POP1: variants seen among roughly 807,000 people sequenced by gnomAD.
POP1 encodes the protein POP1 ribonuclease P/MRP subunit.
Under a neutral mutation model 102.2 loss-of-function variants are expected in POP1, and 75 were observed. That is an observed-to-expected ratio of 0.73 (90% CI 0.61 to 0.89). The LOEUF (loss-of-function observed/expected upper bound fraction) is 0.89, where lower values mean the gene tolerates loss of function less well. Ranked by LOEUF, POP1 falls within the 40% of genes least tolerant of loss-of-function variation. The pLI, the probability that POP1 is intolerant of heterozygous loss-of-function variation, is 0.00. For missense variants in POP1, 1,116 were observed against 1,267.4 expected (o/e 0.88, Z 1.81); for synonymous variants, 436 against 464.1 (o/e 0.94, Z 0.78).
At position 98,157,669 on chromosome 8, in the gene POP1, G is replaced by T. The variant is rs767166808; in HGVS notation, c.2473G>T (p.Asp825Tyr). Residue 825 changes from aspartate (D) to tyrosine (Y), a missense_variant, in exon 16 of 16, where the codon GAT becomes TAT. Transcript: ENST00000401707. ...AGCCTGGTGTGGGCCCAGTTCTGAG[G>T]ATAGTCGGGGAGGCCGGCGAGCTCC... is the stretch of plus-strand genomic sequence containing the variant. ...LSAWCGPSSE[D>Y]SRGGRRAPGR... The T allele has an allele frequency of 2.5e-6, 4 of 1,614,086 alleles. No homozygotes were observed. Among genetic ancestry groups the T allele is most frequent in the Non-Finnish European group, 3.4e-6 (4 of 1,180,048 alleles).
intron 7 of POP1, 119 bp from the exon 8 acceptor site, chr8:98,136,363 A>G: frequency 9.0e-7 from 1 of 1,116,804 alleles, no homozygotes; most frequent in South Asian, 1.6e-5. Context: ...GGTATGAGCC[A>G]CCGTGCCTGG....
At chr8:98,151,834 C>T (rs924067233) in intron 14 of POP1, among the ~76,000 whole-genome samples, 2 of 151,440 alleles carry the variant, frequency 1.3e-5, no homozygotes, top group African/African-American at 4.9e-5. Context: ...CCTCCACCTC[C>T]CGGACCCAGG....
chr8:98,128,881 G>A (rs1816293371), intron 4 of POP1, among the ~76,000 whole-genome samples: 1 of 152,020 alleles, frequency 6.6e-6, no homozygotes, highest in South Asian at 2.1e-4. Flanking sequence ...CTGTGATCAT[G>A]CTACTGTACT....
intron 14 of POP1, among the ~76,000 whole-genome samples, chr8:98,151,147 G>A (rs983430174): frequency 1.3e-5 from 2 of 151,886 alleles, no homozygotes; most frequent in Non-Finnish European, 2.9e-5. Flanking sequence ...GTTCAGTGGC[G>A]TGATCTTGGC....
At chr8:98,142,832 A>G (rs1276076466) in intron 11 of POP1, among the ~76,000 whole-genome samples, 2 of 152,234 alleles carry the variant, frequency 1.3e-5, no homozygotes, top group African/African-American at 2.4e-5. Flanking sequence ...TCTTGCAAGC[A>G]CTTTGAGAGC....
intron 11 of POP1, among the ~76,000 whole-genome samples, chr8:98,142,710 T>C (rs1816741600): frequency 6.6e-6 from 1 of 152,208 alleles, no homozygotes; most frequent in African/African-American, 2.4e-5. Flanking sequence ...TTATGATCTT[T>C]CCCTTTAAAC....
Position 98,148,839 on chromosome 8 carries a change from T to C in POP1, c.1735T>C (p.Leu579=), listed in dbSNP as rs1809435562. ...GGATTTAAACCGGATGAGGAGTGAA[T>C]TGCTGGTGCCTGGGTCACAGCTTAT... The part of the protein sequence containing the change: ...DQDLNRMRSE[L]LVPGSQLILG... Residue 579 remains leucine, a synonymous_variant, in exon 13 of 16, where the codon TTG becomes CTG. Transcript: ENST00000401707. The C allele has an allele frequency of 1.9e-6, 3 of 1,613,638 alleles. No homozygotes were observed. Among genetic ancestry groups the C allele is most frequent in the Non-Finnish European group, 2.5e-6 (3 of 1,179,762 alleles).
chr8:98,121,904 C>T (rs1050589184), intron 1 of POP1, among the ~76,000 whole-genome samples: 1 of 152,044 alleles, frequency 6.6e-6, no homozygotes, highest in Admixed American at 6.6e-5. Context: ...CCAAGATGGT[C>T]TCGATCTCCT....
At chr8:98,141,832 T>C (rs1348617080) in intron 11 of POP1, among the ~76,000 whole-genome samples, 2 of 151,262 alleles carry the variant, frequency 1.3e-5, no homozygotes, top group Non-Finnish European at 2.9e-5. Flanking sequence ...CCTCCCAAAG[T>C]GCTGGGATTA....
chr8:98,124,096 G>C (rs1816120124), intron 2 of POP1, among the ~76,000 whole-genome samples: 2 of 152,170 alleles, frequency 1.3e-5, no homozygotes, highest in South Asian at 4.1e-4. Flanking sequence ...GCAGAGGATG[G>C]AGGCAGTATA....
At position 98,150,481 on chromosome 8, in the gene POP1, T is replaced by G. The variant is rs1809485928; in HGVS notation, c.1903-4T>G. 1 of 1,613,830 alleles carries G rather than the reference T, an allele frequency of 6.2e-7. No individual in the cohort carries two copies. On this transcript the variant is annotated splice_polypyrimidine_tract_variant and splice_region_variant and intron_variant, in intron 13 of 15. Coordinates refer to ENST00000401707, the MANE Select transcript of POP1 (RefSeq NM_001145860.2). ...TGACAGTATCTTTTTGACATTTCTT[T>G]TAGATTTATCGAGGTGTGAGAGTCG... is the stretch of plus-strand genomic sequence containing the variant.
chr8:98,127,775 A>T lies in POP1; in HGVS notation c.310+13A>T, dbSNP rs377601251. The T allele has an allele frequency of 6.2e-7, 1 of 1,613,116 alleles. No individual in the cohort carries two copies. The highest frequency in any genetic ancestry group is 1.3e-5 in the African/African-American group (1 of 74,960). On this transcript the variant is annotated intron_variant, in intron 3 of 15. Coordinates refer to ENST00000401707, the MANE Select transcript of POP1 (RefSeq NM_001145860.2). ...AAGTATATAACTGGTGGGTACTCAT[A>T]AAGAGGTGCAGTTTGCTTGTATTTT...
chr8:98,123,716 A>G lies in POP1; in HGVS notation c.142+237A>G, dbSNP rs181451760. Among the ~76,000 whole-genome samples, 136 of 151,814 alleles carry G rather than the reference A, an allele frequency of 9.0e-4. 3 individuals are homozygous for G. In the East Asian group the frequency reaches 0.018, roughly 21 times the overall value. On this transcript the variant is annotated intron_variant, in intron 2 of 15. Transcript: ENST00000401707. The stretch of plus-strand genomic sequence containing the variant: ...CGCTTGAACCTGGGAGGTGGAGGTT[A>G]CAGTGAGCTGAGATCATGACACTGC...
In POP1 at chr8:98,129,955, TGTCC is replaced by T; in HGVS notation, c.487-22_487-19del. Reference sequence around the variant, plus strand: ...TTTGAGATTCTTACAAACTGGGATATGTCCCTCTACTTGAAACTATAGGCGGAGA... The same window carrying T: ...TTTGAGATTCTTACAAACTGGGATATCTCTACTTGAAACTATAGGCGGAGA... On this transcript the variant is annotated intron_variant, in intron 4 of 15. Transcript: ENST00000401707. The T allele has an allele frequency of 6.2e-7, 1 of 1,613,162 alleles. No homozygotes were observed. Among genetic ancestry groups the T allele is most frequent in the Non-Finnish European group, 8.5e-7 (1 of 1,179,292 alleles).
intron 2 of POP1, among the ~76,000 whole-genome samples, chr8:98,125,970 C>T (rs998834229): frequency 2.6e-5 from 4 of 152,036 alleles, no homozygotes; most frequent in Admixed American, 2.6e-4. Context: ...CTCAGCTTCC[C>T]GAGTAACTGG....
Position 98,126,052 on chromosome 8 carries a change from G to A in POP1, c.143-1543G>A, listed in dbSNP as rs566570672. Reference sequence around the variant, plus strand: ...TTTGGTAGAGACAGGGTTTTGCCACGTTGACCAGTTAGTCTCAAACTCCTG... The same window carrying A: ...TTTGGTAGAGACAGGGTTTTGCCACATTGACCAGTTAGTCTCAAACTCCTG... On this transcript the variant is annotated intron_variant, in intron 2 of 15. Coordinates refer to ENST00000401707, the MANE Select transcript of POP1 (RefSeq NM_001145860.2). Among the ~76,000 whole-genome samples, 7 of 147,894 alleles carry A rather than the reference G, an allele frequency of 4.7e-5. No homozygotes were observed. The East Asian group carries it at 6.0e-4, about 13-fold the overall frequency.
chr8:98,133,589 C>T (rs922669995), intron 5 of POP1, among the ~76,000 whole-genome samples: 1 of 152,166 alleles, frequency 6.6e-6, no homozygotes, highest in South Asian at 2.1e-4. Context: ...GAATGGTTCT[C>T]TACTTAGAGG....
Position 98,144,933 on chromosome 8 carries a change from G to A in POP1, c.1595-1635G>A, listed in dbSNP as rs186442226. On this transcript the variant is annotated intron_variant, in intron 11 of 15. Transcript: ENST00000401707. ...GACAGGGTCTGGCTCTGTCACCCAG[G>A]CTGGAGTGGAGTGGCGCGATCTCAG... Among the ~76,000 whole-genome samples the A allele has an allele frequency of 2.6e-5, 4 of 152,144 alleles. No homozygotes were observed. The East Asian group carries it at 7.7e-4, about 29-fold the overall frequency.
chr8:98,151,240 C>T (rs1378131185), intron 14 of POP1, among the ~76,000 whole-genome samples: 1 of 152,116 alleles, frequency 6.6e-6, no homozygotes, highest in Non-Finnish European at 1.5e-5. Context: ...TGCCATTGTG[C>T]CTGGCTAACT....
Sources: gnomAD v4.1 joint callset for allele counts (sites outside exome capture counted in the v4.1 genomes callset) on GRCh38, gnomAD v4.1.1 for gene constraint, MANE v1.5 for transcripts, NCBI Gene and HGNC (gene_info 2026-07-23, HGNC 2026-07-21) for gene names.